The following DLGAP2 variants were observed in gnomAD, a reference collection of about 807,000 sequenced individuals.
DLGAP2 encodes the protein disks large-associated protein 2.
In DLGAP2, 26 loss-of-function variants were observed where a neutral mutation model predicts 100.3. The ratio of observed to expected loss-of-function variants is 0.26; its 90% confidence interval spans 0.19 to 0.36. The LOEUF is 0.36. Among genes scored for constraint, DLGAP2 ranks in the 10% least tolerant of loss-of-function variants. The pLI, the probability that DLGAP2 is intolerant of heterozygous loss-of-function variation, is 1.00. For synonymous variants in DLGAP2, 886 were observed against 630.1 expected, an observed-to-expected ratio of 1.41 and a Z score of -6.08; for missense variants, 1,858 against 1,453.2, an observed-to-expected ratio of 1.28 and a Z score of -4.53.
intron 1 of DLGAP2, among the ~76,000 whole-genome samples, chr8:899,219 G>A (rs1798204272): frequency 6.6e-6 from 1 of 152,232 alleles, no homozygotes; most frequent in African/African-American, 2.4e-5. Context: ...GACTCCTTCA[G>A]TCCTCAGCTG....
intron 4 of DLGAP2, among the ~76,000 whole-genome samples, chr8:1,509,337 A>C (rs911527953): frequency 7.4e-6 from 1 of 135,988 alleles, no homozygotes; most frequent in African/African-American, 2.7e-5. Context: ...CCAAAAAAAA[A>C]AAAAAAACCG....
chr8:1,678,796 T>C (rs1798874453), intron 12 of DLGAP2, 167 bp downstream of exon 12: 2 of 760,376 alleles, frequency 2.6e-6, no homozygotes. Context: ...AGATATAAAT[T>C]ACATGAAAAG....
chr8:1,418,797 C>T (rs909401548), intron 3 of DLGAP2, among the ~76,000 whole-genome samples: 1 of 152,248 alleles, frequency 6.6e-6, no homozygotes, highest in African/African-American at 2.4e-5. Flanking sequence ...GCACTTCCCT[C>T]AGACCCCGCA....
At chr8:1,617,934 G>A (rs978032988) in intron 6 of DLGAP2, among the ~76,000 whole-genome samples, 4 of 152,184 alleles carry the variant, frequency 2.6e-5, no homozygotes, top group Non-Finnish European at 4.4e-5. Context: ...ATAATAATAC[G>A]TGTACTAAAG....
intron 2 of DLGAP2, among the ~76,000 whole-genome samples, chr8:1,126,362 A>T (rs1193581849): frequency 1.3e-5 from 2 of 152,034 alleles, no homozygotes; most frequent in South Asian, 2.1e-4. Context: ...GGAGGGAGGC[A>T]GGGGAGAGAA....
chr8:833,145 T>TA (rs1224220872), intron 1 of DLGAP2, among the ~76,000 whole-genome samples: 32 of 152,186 alleles, frequency 2.1e-4, no homozygotes, highest in African/African-American at 7.2e-4. Context: ...ATGGCAGACA[T>TA]ATGATTAAGG....
intron 2 of DLGAP2, among the ~76,000 whole-genome samples, chr8:932,241 C>A (rs376901798): frequency 6.6e-6 from 1 of 152,188 alleles, no homozygotes; most frequent in Non-Finnish European, 1.5e-5. Context: ...CCAGCAGCCA[C>A]GTGTGTTCTG....
intron 1 of DLGAP2, among the ~76,000 whole-genome samples, chr8:801,989 CTGTCCT>C (rs1796165571): frequency 2.1e-5 from 3 of 144,112 alleles, no homozygotes; most frequent in Non-Finnish European, 4.7e-5. Context: ...CCTGGGTCCT[CTGTCCT>C]CACAGCCTGA....
chr8:1,045,174 A>G (rs1802481938), intron 2 of DLGAP2, among the ~76,000 whole-genome samples: 1 of 152,198 alleles, frequency 6.6e-6, no homozygotes, highest in African/African-American at 2.4e-5. Flanking sequence ...CTGCTGCCTA[A>G]GGGCTGTTTG....
chr8:1,141,398 A>AT, intron 2 of DLGAP2, among the ~76,000 whole-genome samples: 2 of 152,324 alleles, frequency 1.3e-5, no homozygotes, highest in East Asian at 3.9e-4. Context: ...TTCAAGCATT[A>AT]TTTTATGCTT....
chr8:1,010,597 G>A (rs1462098703), intron 2 of DLGAP2, among the ~76,000 whole-genome samples: 5 of 152,166 alleles, frequency 3.3e-5, no homozygotes, highest in African/African-American at 9.7e-5. Context: ...TTTCACTTAC[G>A]ACATCAAATG....
At chr8:834,151 A>T (rs1406231880) in intron 1 of DLGAP2, among the ~76,000 whole-genome samples, 2 of 152,194 alleles carry the variant, frequency 1.3e-5, no homozygotes. Context: ...ATGCGATCCT[A>T]TTCAGTCATT....
chr8:1,024,212 A>G lies in DLGAP2; in HGVS notation c.73+116246A>G, dbSNP rs117407558. On this transcript the variant is annotated intron_variant, in intron 2 of 14. Coordinates refer to ENST00000637795, the MANE Select transcript of DLGAP2 (RefSeq NM_001346810.2). ...GTTCCGTGCCGAGGTAGACACTCCA[A>G]ACACCACCCACCCTCCCTGGAAGTG... is the stretch of plus-strand genomic sequence containing the variant. Among the ~76,000 whole-genome samples the G allele has an allele frequency of 6.5e-3, 396 of 61,010 alleles. 14 individuals carry two copies. Among genetic ancestry groups the G allele is most frequent in the Middle Eastern group, 0.013 (1 of 78 alleles). The allele number at this position is 61,010 out of a possible 152,430, so 40.0% of individuals were successfully genotyped here. A position where few individuals can be genotyped will look rare whatever the true frequency, so the allele number is the denominator to read the frequency against.
intron 2 of DLGAP2, among the ~76,000 whole-genome samples, chr8:1,235,255 CGT>C (rs1200140963): frequency 3.2e-5 from 4 of 125,242 alleles, no homozygotes; most frequent in African/African-American, 1.7e-4. Flanking sequence ...CACATGGCGT[CGT>C]GTCTAGTTCT....
intron 2 of DLGAP2, among the ~76,000 whole-genome samples, chr8:1,073,540 G>A (rs1220475152): frequency 6.6e-6 from 1 of 152,156 alleles, no homozygotes; most frequent in African/African-American, 2.4e-5. Flanking sequence ...AATAGCATGC[G>A]TTCTCTTACT....
intron 6 of DLGAP2, among the ~76,000 whole-genome samples, chr8:1,585,313 A>C (rs1272720059): frequency 6.6e-6 from 1 of 152,084 alleles, no homozygotes; most frequent in African/African-American, 2.4e-5. Flanking sequence ...AAATACAAAA[A>C]ATTAGCCAGG....
At chr8:1,335,173 C>T (rs142648951) in intron 3 of DLGAP2, among the ~76,000 whole-genome samples, 1 of 152,280 alleles carries the variant, frequency 6.6e-6, no homozygotes, top group African/African-American at 2.4e-5. Context: ...TTGGGAGCGA[C>T]AAAGCAGAGG....
chr8:742,415 T>G (rs1385736817), intron 1 of DLGAP2, among the ~76,000 whole-genome samples: 1 of 152,212 alleles, frequency 6.6e-6, no homozygotes, highest in African/African-American at 2.4e-5. Context: ...GGGAATGATC[T>G]CAAGGGTCCA....
chr8:1,699,621 AAAAG>A (rs1356451551), intron 14 of DLGAP2, among the ~76,000 whole-genome samples: 1 of 152,116 alleles, frequency 6.6e-6, no homozygotes, highest in African/African-American at 2.4e-5. Context: ...CTCAAAAAAA[AAAAG>A]AAAGAAAATG....
Sources: allele counts gnomAD v4.1 joint callset (sites outside exome capture counted in the v4.1 genomes callset), GRCh38; gene constraint gnomAD v4.1.1; transcripts MANE v1.5; gene names NCBI Gene and HGNC (gene_info 2026-07-23, HGNC 2026-07-21).